The following RNF31 variants were observed in gnomAD, a reference collection of about 807,000 sequenced individuals.
RNF31 encodes ring finger protein 31.
In RNF31, 38 loss-of-function variants were observed where a neutral mutation model predicts 133.6. That is an observed-to-expected ratio of 0.28 (90% CI 0.22 to 0.37). The LOEUF (loss-of-function observed/expected upper bound fraction) is 0.37, where lower values mean the gene tolerates loss of function less well. Among genes scored for constraint, RNF31 ranks in the 10% least tolerant of loss-of-function variants. The probability of loss-of-function intolerance (pLI) is 1.00; values close to 1 mark genes in which losing one functional copy is unlikely to be tolerated. For synonymous variants in RNF31, 582 were observed against 552.3 expected, an observed-to-expected ratio of 1.05 and a Z score of -0.75; for missense variants, 1,118 against 1,394.1, an observed-to-expected ratio of 0.80 and a Z score of 3.15.
chr14:24,157,480 T>G (rs2038361053), intron 15 of RNF31, 40 bp from the exon 16 acceptor site: 2 of 1,606,872 alleles, frequency 1.2e-6, no homozygotes, highest in African/African-American at 1.3e-5. Context: ...GGCCTTGAGT[T>G]GCAGCGGCAG....
rs1404794998 is a variant in RNF31 at position 24,147,764 on chromosome 14, G to C, written c.66G>C (p.Arg22Ser). The change falls in exon 1 of 21, where the codon AGG becomes AGC. Residue 22 changes from arginine to serine, a missense_variant. Arg to Ser is a moderately radical substitution (Grantham distance 110). Transcript: ENST00000324103. The stretch of plus-strand genomic sequence containing the variant: ...GCGAGGAGCTGGCGAGCGCCCTGAG[G>C]AGGGATTCCGGGCAGGCGTTTTCCC... Reference protein sequence around the residue: ...VAREELASALRRDSGQAFSLE... With the variant: ...VAREELASALSRDSGQAFSLE... 6.3e-7 allele frequency: 1 copy of C among 1,574,986 alleles called. No individual in the cohort carries two copies. The highest frequency in any genetic ancestry group is 1.9e-5 in the Admixed American group (1 of 54,046).
chr14:24,148,176 T>A, intron 2 of RNF31, 54 bp downstream of exon 2: 1 of 1,613,294 alleles, frequency 6.2e-7, no homozygotes, highest in Non-Finnish European at 8.5e-7. Context: ...AGAAAAGGCC[T>A]GAGGTTGTGC....
chr14:24,158,487 A>G (rs796065707), intron 18 of RNF31: 56 of 489,298 alleles, frequency 1.1e-4, no homozygotes, highest in African/African-American at 1.0e-3. Context: ...TAGTTCAATG[A>G]GTGTTTAATG....
chr14:24,153,195 A>G lies in RNF31; in HGVS notation c.2130+1203A>G, dbSNP rs547617356. On this transcript the variant is annotated intron_variant, in intron 11 of 20. Coordinates refer to ENST00000324103, the MANE Select transcript of RNF31 (RefSeq NM_017999.5). The stretch of plus-strand genomic sequence containing the variant: ...CATGATGCCTCATGCCTGTAATCCT[A>G]GAGCTTTGGGAGGCTGAGGTGGGAG... Among the ~76,000 whole-genome samples, 6 of 152,264 alleles carry G rather than the reference A, an allele frequency of 3.9e-5. No homozygotes were observed. In the East Asian group the frequency reaches 1.2e-3, roughly 29 times the overall value.
rs1263904031 is a variant in RNF31 at position 24,160,001 on chromosome 14, G to A, written c.2996+41G>A. The A allele has an allele frequency of 1.3e-6, 2 of 1,576,668 alleles. No homozygotes were observed. The highest frequency in any genetic ancestry group is 1.1e-5 in the South Asian group (1 of 90,260). Reference sequence around the variant, plus strand: ...ACATGGGCATGGTGTTGGGCAGTGGGTAGAAGTGGTGAGGGCATGCCCAGG... The same window carrying A: ...ACATGGGCATGGTGTTGGGCAGTGGATAGAAGTGGTGAGGGCATGCCCAGG... On this transcript the variant is annotated intron_variant, in intron 19 of 20. Transcript: ENST00000324103. This position sits in a 1 kb window ranked among gnomAD's most constrained non-coding sequence, Gnocchi z 4.0.
rs747529822 is a variant in RNF31 at position 24,149,043 on chromosome 14, A to G, written c.631+167A>G. On this transcript the variant is annotated intron_variant, in intron 5 of 20. Coordinates refer to ENST00000324103, the MANE Select transcript of RNF31 (RefSeq NM_017999.5). ...CAATGGTGCGATCTCCGCTCACCGCAACCTCCACCTCCCGGGTTCAAGCGA... is the reference window on the plus strand; with the variant it reads ...CAATGGTGCGATCTCCGCTCACCGCGACCTCCACCTCCCGGGTTCAAGCGA... The G allele has an allele frequency of 2.2e-5, 15 of 682,158 alleles. 1 individual carries two copies. The highest frequency in any genetic ancestry group is 3.3e-5 in the Non-Finnish European group (13 of 391,442). The allele number at this position is 682,158 out of a possible 1,614,324, so 42.3% of individuals were successfully genotyped here.
At position 24,148,080 on chromosome 14, in the gene RNF31, G is replaced by A; in HGVS notation, c.297G>A (p.Lys99=). The change falls in exon 2 of 21, where the codon AAG becomes AAA. Residue 99 remains lysine, a synonymous_variant. Coordinates refer to ENST00000324103, the MANE Select transcript of RNF31 (RefSeq NM_017999.5). ...PQRPRYWRGV[K]FNNPVFRSTV... The stretch of plus-strand genomic sequence containing the variant: ...GGCCTCGGTACTGGCGTGGTGTCAA[G>A]TTTAATAACCCTGTCTTTCGCAGCA... 1.2e-6 allele frequency: 2 copies of A among 1,614,246 alleles called. No homozygotes were observed. Among genetic ancestry groups the A allele is most frequent in the South Asian group, 1.1e-5 (1 of 91,084 alleles).
chr14:24,160,107 TAGTAGC>T lies in RNF31; in HGVS notation c.2997-129_2997-124del, dbSNP rs2038422381. The T allele has an allele frequency of 7.6e-7, 1 of 1,308,556 alleles. No homozygotes were observed. Among genetic ancestry groups the T allele is most frequent in the Admixed American group, 1.9e-5 (1 of 51,968 alleles). 81.1% of individuals were successfully genotyped at this position (1,308,556 alleles called of 1,614,324 possible). On this transcript the variant is annotated intron_variant, in intron 19 of 20. Transcript: ENST00000324103. This position sits in a 1 kb window ranked among gnomAD's most constrained non-coding sequence, Gnocchi z 4.0. ...CTTTCTGGGCAAGGGCATGGGTAGA[TAGTAGC>T]AGGCAGTGTGGGCACAGGTGGGTTG...
At position 24,148,422 on chromosome 14, in the gene RNF31, C is replaced by A. The variant is rs1221906183; in HGVS notation, c.495+9C>A. 2 of 1,613,366 alleles carry A rather than the reference C, an allele frequency of 1.2e-6. No individual in the cohort carries two copies. Among genetic ancestry groups the A allele is most frequent in the East Asian group, 4.5e-5 (2 of 44,884 alleles). The stretch of plus-strand genomic sequence containing the variant: ...TCAGCCTGCTATTGCAGGTGAGATG[C>A]TCCTCTAGTCTTGATGGACTTATGC... On this transcript the variant is annotated intron_variant, in intron 3 of 20. Coordinates refer to ENST00000324103, the MANE Select transcript of RNF31 (RefSeq NM_017999.5).
chr14:24,150,723 A>G lies in RNF31; in HGVS notation c.1323A>G (p.Ala441=), dbSNP rs2038252539. 6.2e-7 allele frequency: 1 copy of G among 1,614,046 alleles called. No homozygotes were observed. Among genetic ancestry groups the G allele is most frequent in the Admixed American group, 1.7e-5 (1 of 59,984 alleles). The stretch of plus-strand genomic sequence containing the variant: ...ACCGGACTAGTAGCCCCATTCCAGC[A>G]CAACATGCCCCCCGGCCCTATGCCA... ...MCNRTSSPIP[A]QHAPRPYASS... The change falls in exon 8 of 21, where the codon GCA becomes GCG. Residue 441 remains alanine (A), a synonymous_variant. Coordinates refer to ENST00000324103, the MANE Select transcript of RNF31 (RefSeq NM_017999.5).
chr14:24,151,244 G>T lies in RNF31; in HGVS notation c.1602G>T (p.Met534Ile). 2 of 1,614,206 alleles carry T rather than the reference G, an allele frequency of 1.2e-6. No homozygotes were observed. The highest frequency in any genetic ancestry group is 1.7e-6 in the Non-Finnish European group (2 of 1,180,042). Reference sequence around the variant, plus strand: ...CAGAACTGCCCTACGTCCTGGAGATGGTGGCTGAGCTGGCTGGACAGCAGG... The same window carrying T: ...CAGAACTGCCCTACGTCCTGGAGATTGTGGCTGAGCTGGCTGGACAGCAGG... ...LRSELPYVLEMVAELAGQQDP... is the reference protein window; with the variant it reads ...LRSELPYVLEIVAELAGQQDP... Residue 534 changes from methionine to isoleucine, a missense_variant, in exon 9 of 21, where the codon ATG becomes ATT. Coordinates refer to ENST00000324103, the MANE Select transcript of RNF31 (RefSeq NM_017999.5). The surrounding 1 kb of genome is among the most constrained non-coding windows in gnomAD (Gnocchi z 5.3).
chr14:24,149,539 C>G lies in RNF31; in HGVS notation c.765C>G (p.Arg255=), dbSNP rs200761781. 15 of 1,614,034 alleles carry G rather than the reference C, an allele frequency of 9.3e-6. No individual in the cohort carries two copies. Among genetic ancestry groups the G allele is most frequent in the Admixed American group, 6.7e-5 (4 of 60,006 alleles). ...ACCCATCCCGTGCTCATCACCTCCGCCAGACCCTGCCTGGGGTCCTGCAGG... is the reference window on the plus strand; with the variant it reads ...ACCCATCCCGTGCTCATCACCTCCGGCAGACCCTGCCTGGGGTCCTGCAGG... The part of the protein sequence containing the change: ...HGHPSRAHHL[R]QTLPGVLQGT... Residue 255 remains arginine, a synonymous_variant, in exon 6 of 21, where the codon CGC becomes CGG. Transcript: ENST00000324103.
At chr14:24,153,425 A>G (rs1217338184) in intron 11 of RNF31, among the ~76,000 whole-genome samples, 2 of 151,942 alleles carry the variant, frequency 1.3e-5, no homozygotes, top group Non-Finnish European at 2.9e-5. Flanking sequence ...AAAAATACAA[A>G]AATTAGCCAG....
rs1208224620 is a variant in RNF31, at chr14:24,159,905, C to T, written c.2941C>T (p.Leu981Phe). 6.2e-7 allele frequency: 1 copy of T among 1,614,152 alleles called. No homozygotes were observed. The highest frequency in any genetic ancestry group is 2.2e-5 in the East Asian group (1 of 44,888). Residue 981 changes from leucine (L) to phenylalanine (F), a missense_variant, in exon 19 of 21, where the codon CTC becomes TTC. Physicochemically the swap from Leu to Phe is conservative, Grantham distance 22 (BLOSUM62 0). Transcript: ENST00000324103. ...VIEQKEVPNGLRDEACGKETP... is the reference protein window; with the variant it reads ...VIEQKEVPNGFRDEACGKETP... ...AGAGCAGAAGGAGGTTCCCAATGGG[C>T]TCAGGGACGAAGCTTGTGGCAAGGA... is the stretch of plus-strand genomic sequence containing the variant.
At chr14:24,153,903 C>T (rs1226841648) in intron 11 of RNF31, among the ~76,000 whole-genome samples, 1 of 151,832 alleles carries the variant, frequency 6.6e-6, no homozygotes, top group Non-Finnish European at 1.5e-5. Context: ...GACTCTGTCT[C>T]AAAATAAATT....
Position 24,154,850 on chromosome 14 carries a change from A to G in RNF31, c.2131-307A>G, listed in dbSNP as rs2038318578. 1.3e-4 allele frequency: 52 copies of G among 392,752 alleles called. 2 individuals carry two copies. The South Asian group carries it at 1.6e-3, about 12-fold the overall frequency. The allele number at this position is 392,752 out of a possible 1,614,324, so 24.3% of individuals were successfully genotyped here. On this transcript the variant is annotated intron_variant, in intron 11 of 20. Transcript: ENST00000324103. ...CCCCACTTCTAGTCACCTGGCAACC[A>G]TGAAGCTGTTCTCCACCTCTATAGT...
rs2038197096 is a variant in RNF31 at position 24,147,984 on chromosome 14, C to G, written c.201C>G (p.Asn67Lys). 2.5e-6 allele frequency: 4 copies of G among 1,613,928 alleles called. No individual in the cohort carries two copies. Among genetic ancestry groups the G allele is most frequent in the Non-Finnish European group, 1.7e-6 (2 of 1,180,054 alleles). The part of the protein sequence containing the change: ...VRCNAHGEPR[N>K]YLNTLSTALN... ...GCTCTCCTTGCTCCCAGCCCCGAAA[C>G]TACCTCAACACCCTGTCCACGGCTC... Residue 67 changes from asparagine to lysine, a missense_variant, in exon 2 of 21, where the codon AAC becomes AAG. Coordinates refer to ENST00000324103, the MANE Select transcript of RNF31 (RefSeq NM_017999.5).
chr14:24,159,922 T>G lies in RNF31; in HGVS notation c.2958T>G (p.Cys986Trp). 1 of 1,614,080 alleles carries G rather than the reference T, an allele frequency of 6.2e-7. No homozygotes were observed. Among genetic ancestry groups the G allele is most frequent in the Non-Finnish European group, 8.5e-7 (1 of 1,180,026 alleles). ...EVPNGLRDEA[C>W]GKETPAGYAG... is the part of the protein sequence containing the mutation. ...CCAATGGGCTCAGGGACGAAGCTTG[T>G]GGCAAGGAAACTCCAGCTGGCTATG... The change falls in exon 19 of 21, where the codon TGT (cysteine) becomes TGG (tryptophan). Residue 986 changes from cysteine to tryptophan, a missense_variant. This residue lies in a region of RNF31 where 170 missense variants were observed against 194.5 expected (regional missense o/e 0.87). Transcript: ENST00000324103.
chr14:24,148,211 C>T, intron 2 of RNF31, 47 bp from the exon 3 acceptor site: 1 of 1,613,344 alleles, frequency 6.2e-7, no homozygotes. Flanking sequence ...TCCAGCCCTA[C>T]TAGGCAGGAA....
Sources: allele counts gnomAD v4.1 joint callset (sites outside exome capture counted in the v4.1 genomes callset), GRCh38; gene constraint gnomAD v4.1.1; regional missense constraint gnomAD v4.1.1; non-coding constraint Gnocchi (gnomAD v3.1); transcripts MANE v1.5; gene names NCBI Gene and HGNC (gene_info 2026-07-23, HGNC 2026-07-21).